Variants in CPT1A observed in about 807,000 individuals in gnomAD.
CPT1A encodes the protein carnitine O-palmitoyltransferase 1, liver isoform.
A neutral mutation model predicts 100.8 loss-of-function variants in CPT1A; 64 were observed. The ratio of observed to expected loss-of-function variants is 0.63; its 90% CI spans 0.52 to 0.78. The LOEUF (loss-of-function observed/expected upper bound fraction) is 0.78, where lower values mean the gene tolerates loss of function less well. Ranked by LOEUF, CPT1A falls within the 30% of genes least tolerant of loss-of-function variation. CPT1A has a pLI of 0.00. For synonymous variants in CPT1A, 363 were observed against 396.0 expected (o/e 0.92, Z 0.99); for missense variants, 802 against 1,034.1 (o/e 0.78, Z 3.08).
At chr11:68,773,142 G>A (rs896575806) in intron 14 of CPT1A, 123 bp downstream of exon 14, 15 of 1,527,398 alleles carry the variant, frequency 9.8e-6, no homozygotes, top group Admixed American at 2.0e-5. Context: ...ACCGGGGTCG[G>A]GGGGAGCTGT....
intron 14 of CPT1A, among the ~76,000 whole-genome samples, chr11:68,771,472 T>G (rs938513037): frequency 1.3e-5 from 2 of 152,194 alleles, no homozygotes; most frequent in African/African-American, 4.8e-5. Context: ...TCCAGCTCAC[T>G]GATTCTGAGA....
upstream of CPT1A, chr11:68,842,027 A>G (rs1594386452): frequency 1.1e-6 from 1 of 942,816 alleles, no homozygotes; most frequent in East Asian, 1.2e-4. Flanking sequence ...GAGGGGAGGG[A>G]AACTGAGGCT....
chr11:68,754,970 T>C lies in CPT1A; in HGVS notation c.*2674A>G. 1 of 698,236 alleles carries C rather than the reference T, an allele frequency of 1.4e-6. No individual in the cohort carries two copies. The highest frequency in any genetic ancestry group is 2.7e-6 in the Non-Finnish European group (1 of 370,522). The allele number at this position is 698,236 out of a possible 1,614,324, so 43.3% of individuals were successfully genotyped here. A position where few individuals can be genotyped will look rare whatever the true frequency, so the allele number is the denominator to read the frequency against. Reference sequence around the variant, plus strand: ...ATTTACATCCAAAGAGCATACTGTATTTACATGCACCGGTCAGCCCAAGAT... The same window carrying C: ...ATTTACATCCAAAGAGCATACTGTACTTACATGCACCGGTCAGCCCAAGAT... On this transcript the variant is annotated 3_prime_UTR_variant, in exon 19 of 19. Transcript: ENST00000265641.
chr11:68,768,408 CTTTT>C (rs749137279), intron 14 of CPT1A, among the ~76,000 whole-genome samples: 3 of 151,390 alleles, frequency 2.0e-5, no homozygotes, highest in Non-Finnish European at 2.9e-5. Flanking sequence ...TCTTCTTCTT[CTTTT>C]TTTATTTTTT....
chr11:68,813,009 T>C (rs1415064852), intron 2 of CPT1A, among the ~76,000 whole-genome samples: 2 of 149,762 alleles, frequency 1.3e-5, no homozygotes, highest in East Asian at 2.0e-4. Context: ...GAAGATTTCA[T>C]GGGAGACCTC....
At chr11:68,776,603 G>A (rs920759116) in intron 12 of CPT1A, among the ~76,000 whole-genome samples, 14 of 152,164 alleles carry the variant, frequency 9.2e-5, no homozygotes, top group African/African-American at 3.4e-4. Flanking sequence ...ATTAGGCTGG[G>A]CTCTGTGACT....
intron 1 of CPT1A, among the ~76,000 whole-genome samples, chr11:68,817,895 G>C (rs1280279570): frequency 6.6e-6 from 1 of 152,064 alleles, no homozygotes; most frequent in African/African-American, 2.4e-5. Context: ...AGCACAGGTG[G>C]CTGGGGTCGA....
chr11:68,760,156 C>T, intron 17 of CPT1A, 69 bp downstream of exon 17: 1 of 1,090,994 alleles, frequency 9.2e-7, no homozygotes, highest in Non-Finnish European at 1.4e-6. Context: ...CGGAGATGGG[C>T]CCATCACACC....
chr11:68,786,191 A>C (rs750034916), intron 9 of CPT1A, among the ~76,000 whole-genome samples: 15 of 152,106 alleles, frequency 9.9e-5, no homozygotes, highest in Non-Finnish European at 1.9e-4. Context: ...GCAAAACCCT[A>C]TCTCTACAAA....
chr11:68,816,770 GTGTGTGTGTGGT>G (rs779965640), intron 1 of CPT1A, among the ~76,000 whole-genome samples: 3 of 83,922 alleles, frequency 3.6e-5, no homozygotes, highest in East Asian at 4.0e-4. Context: ...GTGTGTGTGT[GTGTGTGTGTGGT>G]GTGTGTGTGT....
chr11:68,798,579 C>T (rs1855818417), intron 6 of CPT1A, among the ~76,000 whole-genome samples: 1 of 152,130 alleles, frequency 6.6e-6, no homozygotes, highest in Non-Finnish European at 1.5e-5. Flanking sequence ...AGCTAAGACG[C>T]TTCGTTGGAG....
Position 68,773,424 on chromosome 11 carries a change from T to C in CPT1A, c.1581A>G (p.Gln527=), listed in dbSNP as rs1158620106. ...TGTTCAGGGAGGTCTCTATAACCTC[T>C]TGACACTTGAGAGAAAGAAGAAAAA... ...RLQWDIPGEC[Q]EVIETSLNTA... is the part of the protein sequence containing the mutation. Residue 527 remains glutamine, a synonymous_variant, in exon 14 of 19, where the codon CAA becomes CAG. Transcript: ENST00000265641. The C allele has an allele frequency of 1.2e-6, 2 of 1,613,988 alleles. No homozygotes were observed. The highest frequency in any genetic ancestry group is 1.1e-5 in the South Asian group (1 of 91,080).
chr11:68,794,569 C>A (rs1452704479), intron 8 of CPT1A, among the ~76,000 whole-genome samples: 2 of 152,200 alleles, frequency 1.3e-5, no homozygotes, highest in African/African-American at 4.8e-5. Flanking sequence ...TGCCAGCACG[C>A]CCAGCTAATT....
chr11:68,777,207 ATTGT>A (rs1855164737), intron 12 of CPT1A, among the ~76,000 whole-genome samples: 1 of 152,176 alleles, frequency 6.6e-6, no homozygotes, highest in Non-Finnish European at 1.5e-5. Context: ...AGGCAGGCAG[ATTGT>A]TTGAAGCCAG....
chr11:68,825,800 T>G (rs1233983630), intron 1 of CPT1A, among the ~76,000 whole-genome samples: 2 of 152,146 alleles, frequency 1.3e-5, no homozygotes. Context: ...AGGGCACACC[T>G]GCTCCCTGCC....
intron 8 of CPT1A, 114 bp downstream of exon 8, chr11:68,794,690 C>T (rs1000419723): frequency 1.1e-5 from 10 of 924,478 alleles, no homozygotes; most frequent in South Asian, 4.2e-5. Flanking sequence ...AGATTACAGG[C>T]GTGAGACCCT....
chr11:68,762,617 G>A lies in CPT1A; in HGVS notation c.1875+10C>T. On this transcript the variant is annotated intron_variant, in intron 15 of 18. Coordinates refer to ENST00000265641, the MANE Select transcript of CPT1A (RefSeq NM_001876.4). ...AAGCACGTTGTGTCCTCAGCCTGAT[G>A]GCACATTACCGTCTGGGCCGGGTCC... The A allele has an allele frequency of 6.2e-7, 1 of 1,613,352 alleles. No homozygotes were observed. The highest frequency in any genetic ancestry group is 2.2e-5 in the East Asian group (1 of 44,880).
At chr11:68,814,116 CT>C (rs1440849590) in intron 2 of CPT1A, among the ~76,000 whole-genome samples, 2 of 152,122 alleles carry the variant, frequency 1.3e-5, no homozygotes, top group East Asian at 3.8e-4. Context: ...CCACTTTTGA[CT>C]TGATGAACTT....
chr11:68,769,920 G>C (rs549701631), intron 14 of CPT1A, among the ~76,000 whole-genome samples: 1 of 152,052 alleles, frequency 6.6e-6, no homozygotes, highest in Non-Finnish European at 1.5e-5. Context: ...GTGGTGGCAG[G>C]CACCTGTAGT....
Sources: gnomAD v4.1 joint callset for allele counts (sites outside exome capture counted in the v4.1 genomes callset) on GRCh38, gnomAD v4.1.1 for gene constraint, MANE v1.5 for transcripts, NCBI Gene and HGNC (gene_info 2026-07-23, HGNC 2026-07-21) for gene names.